Variants in PTPRU observed in about 807,000 individuals in gnomAD.
The protein encoded by PTPRU is receptor-type tyrosine-protein phosphatase U.
PTPRU carries 69 observed loss-of-function variants against 166.3 expected under a neutral mutation model. The observed-to-expected ratio is 0.41, with a 90% CI of 0.34 to 0.51. The LOEUF (loss-of-function observed/expected upper bound fraction) is 0.51. PTPRU is among the 20% of genes least tolerant of loss of function. PTPRU has a pLI of 0.09. For synonymous variants in PTPRU, 793 were observed against 814.0 expected, an observed-to-expected ratio of 0.97 and a Z score of 0.44; for missense variants, 1,657 against 2,013.7, an observed-to-expected ratio of 0.82 and a Z score of 3.39.
chr1:29,265,140 CATATGGTG>C (rs1027126930), intron 7 of PTPRU, among the ~76,000 whole-genome samples: 136 of 152,248 alleles, frequency 8.9e-4, no homozygotes, highest in African/African-American at 3.2e-3. Context: ...ATCAATGAGT[CATATGGTG>C]ATTGCATGTT....
intron 12 of PTPRU, 99 bp from the exon 13 acceptor site, chr1:29,283,841 A>T (rs1373733917): frequency 7.1e-7 from 1 of 1,410,684 alleles, no homozygotes. Context: ...CACAAGACAA[A>T]GCCCTGAACA....
At position 29,238,187 on chromosome 1, in the gene PTPRU, C is replaced by T. The variant is rs1297512958; in HGVS notation, c.73+1470C>T. Among the ~76,000 whole-genome samples the T allele has an allele frequency of 6.6e-6, 1 of 151,956 alleles. No individual in the cohort carries two copies. Among genetic ancestry groups the T allele is most frequent in the East Asian group, 1.9e-4 (1 of 5,154 alleles). The stretch of plus-strand genomic sequence containing the variant: ...GTGTGCGTGCGCGTGTGTGTGTGCG[C>T]GCAGCTGAATGTATGTATACGGAGC... On this transcript the variant is annotated intron_variant, in intron 1 of 29. Coordinates refer to ENST00000373779, the MANE Select transcript of PTPRU (RefSeq NM_133178.4). This position sits in a 1 kb window ranked among gnomAD's most constrained non-coding sequence, Gnocchi z 6.1.
chr1:29,289,858 C>A, intron 14 of PTPRU: 1 of 903,240 alleles, frequency 1.1e-6, no homozygotes, highest in Non-Finnish European at 1.7e-6. Context: ...CGGCCTCTGA[C>A]TTTCTTTCCT....
chr1:29,303,875 G>T lies in PTPRU; in HGVS notation c.2497G>T (p.Val833Phe), dbSNP rs61729921. ...STRGDQRSGG[V>F]TEASSLLGGS... ...TGCAGGAGACCAGCGCAGCGGTGGG[G>T]TCACTGAGGCCAGCAGCCTCCTGGG... Residue 833 changes from valine (V) to phenylalanine (F), a missense_variant, in exon 16 of 30, where the codon GTC becomes TTC. Coordinates refer to ENST00000373779, the MANE Select transcript of PTPRU (RefSeq NM_133178.4). 9,463 of 1,611,670 alleles carry T rather than the reference G, an allele frequency of 5.9e-3. 474 individuals are homozygous for T. In the African/African-American group the frequency reaches 0.1, roughly 18 times the overall value.
At chr1:29,242,693 C>T (rs769653341) in intron 1 of PTPRU, among the ~76,000 whole-genome samples, 1 of 152,162 alleles carries the variant, frequency 6.6e-6, no homozygotes, top group Non-Finnish European at 1.5e-5. Context: ...GGTCTAGAGG[C>T]ATGAGGCGGC....
intron 15 of PTPRU, among the ~76,000 whole-genome samples, chr1:29,303,218 G>A (rs1233285004): frequency 1.3e-5 from 2 of 152,208 alleles, no homozygotes; most frequent in Non-Finnish European, 2.9e-5. Flanking sequence ...TGGGAATGCT[G>A]AACAGAACAG....
intron 11 of PTPRU, among the ~76,000 whole-genome samples, chr1:29,281,454 G>A (rs946813724): frequency 2.6e-5 from 4 of 152,130 alleles, no homozygotes; most frequent in Non-Finnish European, 4.4e-5. Context: ...GATGATGATT[G>A]CAAGGCTAGG....
chr1:29,261,326 C>A (rs1685056795), intron 7 of PTPRU, among the ~76,000 whole-genome samples: 1 of 152,140 alleles, frequency 6.6e-6, no homozygotes, highest in African/African-American at 2.4e-5. Context: ...CAACTAAATA[C>A]CATCAAATAC....
chr1:29,324,845 A>C, intron 28 of PTPRU, among the ~76,000 whole-genome samples: 1 of 134,158 alleles, frequency 7.5e-6, no homozygotes, highest in Admixed American at 7.5e-5. Flanking sequence ...TCTGCCCCTC[A>C]CCTTGGGCTC....
At position 29,320,966 on chromosome 1, in the gene PTPRU, G is replaced by T; in HGVS notation, c.3828+141G>T. 1.0e-6 allele frequency: 1 copy of T among 973,820 alleles called. No homozygotes were observed. 60.3% of individuals were successfully genotyped at this position (973,820 alleles called of 1,614,324 possible). A position where few individuals can be genotyped will look rare whatever the true frequency, so the allele number is the denominator to read the frequency against. On this transcript the variant is annotated intron_variant, in intron 26 of 29. Transcript: ENST00000373779. The surrounding 1 kb of genome is among the most constrained non-coding windows in gnomAD (Gnocchi z 5.2). ...GTGATGAATCATACACCTTCCCAGA[G>T]CCTCAGTTTCTTCATCTGTAAAACA...
rs943590831 is a variant in PTPRU at position 29,291,421 on chromosome 1, C to T, written c.2319-448C>T. Among the ~76,000 whole-genome samples, 3 of 151,854 alleles carry T rather than the reference C, an allele frequency of 2.0e-5. No individual in the cohort carries two copies. Among genetic ancestry groups the T allele is most frequent in the African/African-American group, 7.3e-5 (3 of 41,268 alleles). On this transcript the variant is annotated intron_variant, in intron 14 of 29. Coordinates refer to ENST00000373779, the MANE Select transcript of PTPRU (RefSeq NM_133178.4). This position sits in a 1 kb window ranked among gnomAD's most constrained non-coding sequence, Gnocchi z 4.1. ...AGAAGGAGGAGTCTGGAGAGTGGTC[C>T]CTGTTTAACACGGGGAGGAGAGAGG...
rs1219422410 is a variant in PTPRU, at chr1:29,237,366, G to T, written c.73+649G>T. Among the ~76,000 whole-genome samples, 3 of 152,090 alleles carry T rather than the reference G, an allele frequency of 2.0e-5. No individual in the cohort carries two copies. The highest frequency in any genetic ancestry group is 7.2e-5 in the African/African-American group (3 of 41,402). Reference sequence around the variant, plus strand: ...GTGCTGCCGGGGGCCGCGTGGGTCCGAGTGAATGCCAAGTGTGCCGGGAAT... The same window carrying T: ...GTGCTGCCGGGGGCCGCGTGGGTCCTAGTGAATGCCAAGTGTGCCGGGAAT... On this transcript the variant is annotated intron_variant, in intron 1 of 29. Coordinates refer to ENST00000373779, the MANE Select transcript of PTPRU (RefSeq NM_133178.4). The surrounding 1 kb of genome is among the most constrained non-coding windows in gnomAD (Gnocchi z 6.4).
chr1:29,254,072 T>C (rs1684668267), intron 1 of PTPRU, among the ~76,000 whole-genome samples: 1 of 152,158 alleles, frequency 6.6e-6, no homozygotes, highest in Non-Finnish European at 1.5e-5. Flanking sequence ...ATCCCTTCAC[T>C]CCTCAGATCC....
Position 29,260,297 on chromosome 1 carries a change from G to A in PTPRU, c.850+253G>A. On this transcript the variant is annotated intron_variant, in intron 6 of 29. Coordinates refer to ENST00000373779, the MANE Select transcript of PTPRU (RefSeq NM_133178.4). This position sits in a 1 kb window ranked among gnomAD's most constrained non-coding sequence, Gnocchi z 8.3. ...GAGCCTAAAGAGGGGTGGGGTTCTG[G>A]CTGTGTGACTTCTGTGTTGATCCTA... is the stretch of plus-strand genomic sequence containing the variant. 2.0e-6 allele frequency: 1 copy of A among 490,034 alleles called. No individual in the cohort carries two copies. Among genetic ancestry groups the A allele is most frequent in the Non-Finnish European group, 3.5e-6 (1 of 289,334 alleles). 30.4% of individuals were successfully genotyped at this position (490,034 alleles called of 1,614,324 possible). A position where few individuals can be genotyped will look rare whatever the true frequency, so the allele number is the denominator to read the frequency against.
chr1:29,250,470 G>A (rs1411827462), intron 1 of PTPRU, among the ~76,000 whole-genome samples: 1 of 152,190 alleles, frequency 6.6e-6, no homozygotes, highest in African/African-American at 2.4e-5. Context: ...GTATCTCTCT[G>A]AGCCTGTTTT....
chr1:29,304,178 C>T, intron 16 of PTPRU, 133 bp downstream of exon 16: 1 of 1,064,598 alleles, frequency 9.4e-7, no homozygotes, highest in Non-Finnish European at 1.3e-6. Context: ...CCAACTCAAC[C>T]TTTTTGACCT....
At chr1:29,253,028 C>T (rs1022634655) in intron 1 of PTPRU, among the ~76,000 whole-genome samples, 2 of 152,240 alleles carry the variant, frequency 1.3e-5, no homozygotes, top group Non-Finnish European at 2.9e-5. Context: ...GGGGTTCCCA[C>T]GACCCCCTCT....
At chr1:29,255,450 G>A in intron 2 of PTPRU, 44 bp downstream of exon 2, 1 of 1,605,976 alleles carries the variant, frequency 6.2e-7, no homozygotes, top group Non-Finnish European at 8.5e-7. Context: ...TCTCCTTCCA[G>A]AGGCACTTCT....
Position 29,315,421 on chromosome 1 carries a change from G to C in PTPRU, c.3277G>C (p.Asp1093His). The change falls in exon 23 of 30, where the codon GAC (aspartate) becomes CAC (histidine). Residue 1093 changes from aspartate (D) to histidine (H), a missense_variant. Physicochemically the swap from Asp to His is moderately conservative, Grantham distance 81. Transcript: ENST00000373779. The surrounding 1 kb of genome is among the most constrained non-coding windows in gnomAD (Gnocchi z 4.5). ...GCYIVLDVML[D>H]MAECEGVVDI... ...CTATATCGTCCTGGATGTGATGCTG[G>C]ACATGGCAGAGTGTGAGGGCGTCGT... 1.2e-6 allele frequency: 2 copies of C among 1,614,218 alleles called. No individual in the cohort carries two copies. The highest frequency in any genetic ancestry group is 1.7e-6 in the Non-Finnish European group (2 of 1,180,048).
Sources: gnomAD v4.1 joint callset for allele counts (sites outside exome capture counted in the v4.1 genomes callset) on GRCh38, gnomAD v4.1.1 for gene constraint, Gnocchi (gnomAD v3.1) non-coding constraint, MANE v1.5 for transcripts, NCBI Gene and HGNC (gene_info 2026-07-23, HGNC 2026-07-21) for gene names.